The following DPH6 variants were observed in gnomAD, a reference collection of about 807,000 sequenced individuals.
DPH6 encodes the protein diphthine--ammonia ligase.
A neutral mutation model predicts 38.2 loss-of-function variants in DPH6; 33 were observed. That is an observed-to-expected ratio of 0.86 (90% CI 0.65 to 1.15). The LOEUF is 1.15. Among genes scored for constraint, DPH6 ranks in the 50% most tolerant of loss-of-function variants. The probability of loss-of-function intolerance (pLI) is 0.00; values close to 1 mark genes in which losing one functional copy is unlikely to be tolerated. For synonymous variants in DPH6, 108 were observed against 103.0 expected (o/e 1.05, Z -0.30); for missense variants, 325 against 320.0 (o/e 1.02, Z -0.12).
chr15:35,517,578 G>A (rs1165457841), intron 3 of DPH6, among the ~76,000 whole-genome samples: 1 of 151,916 alleles, frequency 6.6e-6, no homozygotes, highest in African/African-American at 2.4e-5. Context: ...CATTTTATCA[G>A]CTTAAAACAT....
At chr15:35,521,830 A>G in intron 3 of DPH6, 1 of 1,315,238 alleles carries the variant, frequency 7.6e-7, no homozygotes, top group Non-Finnish European at 9.6e-7. Context: ...CAGTGCTCCT[A>G]AAGGAGTATA....
intron 5 of DPH6, among the ~76,000 whole-genome samples, chr15:35,413,339 T>C (rs1486175645): frequency 6.6e-6 from 1 of 151,642 alleles, no homozygotes; most frequent in Non-Finnish European, 1.5e-5. Context: ...CCTTAAAAAT[T>C]TTTGATCTCC....
intron 3 of DPH6, among the ~76,000 whole-genome samples, chr15:35,310,996 T>C (rs1413953628): frequency 6.8e-6 from 1 of 147,094 alleles, no homozygotes; most frequent in African/African-American, 2.5e-5. Context: ...GAGGAGGAGG[T>C]TGCAGTGAGC....
At chr15:35,160,352 T>C in the DPH6 span, among the ~76,000 whole-genome samples, 1 of 151,968 alleles carries the variant, frequency 6.6e-6, no homozygotes, top group Admixed American at 6.6e-5. Context: ...ATTCAGGCTG[T>C]CTTCTCCATT....
chr15:35,442,142 G>T (rs1025501967), intron 5 of DPH6, among the ~76,000 whole-genome samples: 3 of 151,290 alleles, frequency 2.0e-5, no homozygotes, highest in Admixed American at 2.0e-4. Flanking sequence ...CATTTGATAA[G>T]AGACTTATAC....
At chr15:35,213,041 T>C (rs2051395310), downstream of DPH6, among the ~76,000 whole-genome samples, 1 of 152,200 alleles carries the variant, frequency 6.6e-6, no homozygotes, top group Admixed American at 6.5e-5. Flanking sequence ...CTGAAAGAAC[T>C]GAAAATGTCT....
chr15:35,197,943 G>C, the DPH6 span, among the ~76,000 whole-genome samples: 1 of 152,114 alleles, frequency 6.6e-6, no homozygotes, highest in Non-Finnish European at 1.5e-5. Context: ...GTCACTGGTT[G>C]CATTTCCCTT....
chr15:35,508,199 G>T (rs771335320), intron 3 of DPH6, among the ~76,000 whole-genome samples: 1 of 152,058 alleles, frequency 6.6e-6, no homozygotes, highest in African/African-American at 2.4e-5. Flanking sequence ...GCTACATTCT[G>T]CACACCAAGA....
intron 3 of DPH6, among the ~76,000 whole-genome samples, chr15:35,496,567 A>AAAAATATATATATATATAT: frequency 4.8e-4 from 15 of 31,014 alleles, no homozygotes; most frequent in Non-Finnish European, 5.8e-4. Context: ...AAAAAAAAAA[A>AAAAATATATATATATATAT]ATATATATAT....
intron 3 of DPH6, among the ~76,000 whole-genome samples, chr15:35,297,982 A>T (rs2052026299): frequency 1.3e-5 from 2 of 152,174 alleles, no homozygotes; most frequent in Admixed American, 6.5e-5. Flanking sequence ...TTATGTGCCA[A>T]ATCCACTGCT....
intron 3 of DPH6, among the ~76,000 whole-genome samples, chr15:35,339,360 T>C (rs935264018): frequency 6.6e-6 from 1 of 151,684 alleles, no homozygotes; most frequent in African/African-American, 2.4e-5. Context: ...AGTTTCGCTC[T>C]GTCACCCAGG....
Position 35,530,616 on chromosome 15 carries a change from C to T in DPH6, c.312+7658G>A, listed in dbSNP as rs534629650. The stretch of plus-strand genomic sequence containing the variant: ...CACTGATACCAAGTGGAGAAAAGTT[C>T]AAGGTTGAAGAGACAGAATGATGAT... On this transcript the variant is annotated intron_variant, in intron 3 of 8. Transcript: ENST00000256538. 2.7e-3 allele frequency among the ~76,000 whole-genome samples: 416 copies of T among 152,236 alleles called. 5 individuals carry two copies. Among genetic ancestry groups the T allele is most frequent in the Middle Eastern group, 6.8e-3 (2 of 294 alleles).
chr15:35,542,274 G>A (rs2055263777), intron 2 of DPH6, 139 bp downstream of exon 2: 4 of 615,986 alleles, frequency 6.5e-6, no homozygotes, highest in Non-Finnish European at 1.1e-5. Context: ...TAAGTTCTAG[G>A]TGGAAACTAG....
At chr15:35,360,886 C>T (rs1214480278) in intron 3 of DPH6, among the ~76,000 whole-genome samples, 1 of 152,130 alleles carries the variant, frequency 6.6e-6, no homozygotes, top group African/African-American at 2.4e-5. Context: ...GGTCAGCAGG[C>T]CTGCCACTGG....
the DPH6 span, among the ~76,000 whole-genome samples, chr15:35,193,664 A>G: frequency 6.6e-6 from 1 of 152,198 alleles, no homozygotes; most frequent in Non-Finnish European, 1.5e-5. Context: ...GATTACTACA[A>G]ACAGTCTTGG....
chr15:35,317,702 G>A (rs2052205375), intron 3 of DPH6, among the ~76,000 whole-genome samples: 1 of 151,960 alleles, frequency 6.6e-6, no homozygotes, highest in South Asian at 2.1e-4. Flanking sequence ...GTTATTGATT[G>A]TAAAAAACAG....
At chr15:35,491,272 CTACA>C (rs1432554704) in intron 3 of DPH6, among the ~76,000 whole-genome samples, 2 of 151,832 alleles carry the variant, frequency 1.3e-5, no homozygotes, top group Non-Finnish European at 2.9e-5. Context: ...TAATGAACGC[CTACA>C]TAAAGTACCT....
At chr15:35,539,840 T>C (rs2055225582) in intron 2 of DPH6, among the ~76,000 whole-genome samples, 1 of 152,072 alleles carries the variant, frequency 6.6e-6, no homozygotes, top group South Asian at 2.1e-4. Context: ...TACCCCATTT[T>C]GGCTGACAGG....
rs867302843 is a variant in DPH6, at chr15:35,269,821, T to C, written n.201-49239A>G. Among the ~76,000 whole-genome samples the C allele has an allele frequency of 4.4e-3, 647 of 147,038 alleles. 7 individuals carry two copies. The highest frequency in any genetic ancestry group is 0.015 in the African/African-American group (612 of 39,672). ...TTTTTTTTTTTTTGAGACGGAGTCTTGCTCTGTCACCCAGGCTGGAGTGCA... is the reference window on the plus strand; with the variant it reads ...TTTTTTTTTTTTTGAGACGGAGTCTCGCTCTGTCACCCAGGCTGGAGTGCA... On this transcript the variant is annotated intron_variant and non_coding_transcript_variant, in intron 3 of 3. Transcript: ENST00000560386.
Sources: allele counts gnomAD v4.1 joint callset (sites outside exome capture counted in the v4.1 genomes callset), GRCh38; gene constraint gnomAD v4.1.1; transcripts MANE v1.5; gene names NCBI Gene and HGNC (gene_info 2026-07-23, HGNC 2026-07-21).